Variants in GSG1L observed in about 807,000 individuals in gnomAD.
GSG1L encodes germ cell-specific gene 1-like protein.
Under a neutral mutation model 42.1 loss-of-function variants are expected in GSG1L, and 24 were observed. The observed-to-expected ratio is 0.57, with a 90% confidence interval of 0.41 to 0.80. GSG1L has a LOEUF of 0.80. Ranked by LOEUF, GSG1L falls within the 30% of genes least tolerant of loss-of-function variation. The pLI is 0.00. For synonymous variants in GSG1L, 215 were observed against 203.5 expected (o/e 1.06, Z -0.48); for missense variants, 445 against 472.2 (o/e 0.94, Z 0.53).
At chr16:28,031,404 T>A (rs1311080305) in intron 1 of GSG1L, among the ~76,000 whole-genome samples, 1 of 132,332 alleles carries the variant, frequency 7.6e-6, no homozygotes, top group African/African-American at 2.9e-5. Flanking sequence ...ATGGGATAGG[T>A]TGGGATGGGA....
At chr16:27,957,172 A>C (rs1184761390) in intron 2 of GSG1L, among the ~76,000 whole-genome samples, 1 of 152,084 alleles carries the variant, frequency 6.6e-6, no homozygotes, top group Non-Finnish European at 1.5e-5. Context: ...AACATGACAA[A>C]ACCCAGTCTC....
intron 3 of GSG1L, among the ~76,000 whole-genome samples, chr16:27,845,433 G>T (rs1393392264): frequency 6.6e-6 from 1 of 152,102 alleles, no homozygotes; most frequent in African/African-American, 2.4e-5. Flanking sequence ...TGAGCGTCTT[G>T]CTATGTTGCT....
chr16:27,926,392 AGGCACAGT>A (rs1432602047), intron 2 of GSG1L, among the ~76,000 whole-genome samples: 3 of 152,186 alleles, frequency 2.0e-5, no homozygotes, highest in Admixed American at 2.0e-4. Flanking sequence ...GGTTGATTGC[AGGCACAGT>A]GGCTCATGCC....
rs768770535 is a variant in GSG1L, at chr16:27,845,097, TAAGG to T, written c.551-40_551-37del. On this transcript the variant is annotated intron_variant, in intron 3 of 6. Transcript: ENST00000447459. ...GAGAGCAGAGCAAAGCGTCAGGAAG[TAAGG>T]AAGGGCTTTGTCCCCACACACCCAC... is the stretch of plus-strand genomic sequence containing the variant. The T allele has an allele frequency of 3.5e-6, 5 of 1,435,240 alleles. No homozygotes were observed. In the South Asian group the frequency reaches 5.9e-5, roughly 17 times the overall value. 88.9% of individuals were successfully genotyped at this position (1,435,240 alleles called of 1,614,324 possible). A position where few individuals can be genotyped will look rare whatever the true frequency, so the allele number is the denominator to read the frequency against.
chr16:27,992,975 C>G (rs181253597), intron 1 of GSG1L, among the ~76,000 whole-genome samples: 1 of 152,286 alleles, frequency 6.6e-6, no homozygotes, highest in African/African-American at 2.4e-5. Context: ...TTATTGAGAA[C>G]GTACTATGTG....
At chr16:27,947,537 G>GA (rs1449079055) in intron 2 of GSG1L, among the ~76,000 whole-genome samples, 30 of 99,622 alleles carry the variant, frequency 3.0e-4, no homozygotes, top group Non-Finnish European at 4.8e-4. Context: ...AAGAAAGAAT[G>GA]AAGGAAAGAA....
At chr16:27,917,278 C>T (rs931251730) in intron 2 of GSG1L, among the ~76,000 whole-genome samples, 3 of 151,634 alleles carry the variant, frequency 2.0e-5, no homozygotes, top group African/African-American at 7.3e-5. Context: ...GAACCTCATG[C>T]AGTCCTGACC....
chr16:28,047,533 A>G (rs1213178971), intron 1 of GSG1L, among the ~76,000 whole-genome samples: 1 of 152,198 alleles, frequency 6.6e-6, no homozygotes, highest in East Asian at 1.9e-4. Context: ...AAGTAAATAA[A>G]GCTAACTCTA....
chr16:27,875,192 G>C (rs1198262290), intron 3 of GSG1L, among the ~76,000 whole-genome samples: 1 of 152,084 alleles, frequency 6.6e-6, no homozygotes, highest in Non-Finnish European at 1.5e-5. Flanking sequence ...GGAGATTATG[G>C]GGAGTTAATG....
At position 27,844,962 on chromosome 16, in the gene GSG1L, C is replaced by A; in HGVS notation, c.650G>T (p.Gly217Val). ...EDWRPHSWDY[G>V]WSFCLAWGSF... ...AAGGTCCACTTACCAGAAGGACCAC[C>A]CGTAGTCCCAGGAATGGGGTCTCCA... Residue 217 changes from glycine (G) to valine (V), a missense_variant, in exon 4 of 7, where the codon GGG (glycine) becomes GTG (valine). By Grantham distance (109) the Gly-to-Val change is moderately radical. Around this residue, in one of 3 missense-constraint regions of GSG1L, gnomAD observed 149 missense variants for 223.3 expected, o/e 0.67. Transcript: ENST00000447459. 1 of 1,609,778 alleles carries A rather than the reference C, an allele frequency of 6.2e-7. No individual in the cohort carries two copies. The highest frequency in any genetic ancestry group is 8.5e-7 in the Non-Finnish European group (1 of 1,176,554).
chr16:27,900,717 A>T (rs2141041996), intron 2 of GSG1L, among the ~76,000 whole-genome samples: 1 of 152,294 alleles, frequency 6.6e-6, no homozygotes, highest in Admixed American at 6.5e-5. Context: ...CATCTGGTGA[A>T]GCCTCATGGA....
chr16:27,840,205 A>T (rs2083365417), intron 4 of GSG1L, among the ~76,000 whole-genome samples: 1 of 151,616 alleles, frequency 6.6e-6, no homozygotes, highest in Non-Finnish European at 1.5e-5. Flanking sequence ...AATTATTTTT[A>T]TTTTTTATTG....
At chr16:27,905,344 C>A (rs1226835424) in intron 2 of GSG1L, among the ~76,000 whole-genome samples, 5 of 137,530 alleles carry the variant, frequency 3.6e-5, no homozygotes, top group African/African-American at 1.4e-4. Context: ...TTTTTTAAAG[C>A]GACAGGGTCT....
intron 1 of GSG1L, among the ~76,000 whole-genome samples, chr16:28,017,297 C>T (rs1245762870): frequency 1.3e-5 from 2 of 152,202 alleles, no homozygotes; most frequent in Non-Finnish European, 2.9e-5. Context: ...GACAGAGGGA[C>T]ATTCGGAACA....
intron 1 of GSG1L, among the ~76,000 whole-genome samples, chr16:28,042,953 AG>A (rs1453171571): frequency 1.3e-5 from 2 of 152,244 alleles, no homozygotes; most frequent in African/African-American, 2.4e-5. Context: ...ATGCAAACGC[AG>A]AGCGAAAATA....
intron 2 of GSG1L, among the ~76,000 whole-genome samples, chr16:27,958,697 A>T (rs12920337): frequency 0.19 from 28,946 of 151,728 alleles, 3,313 homozygotes; most frequent in East Asian, 0.48. Context: ...TTTTTTTGAG[A>T]CAGAGTCTTG....
At chr16:27,878,864 A>C (rs1156604306) in intron 3 of GSG1L, among the ~76,000 whole-genome samples, 3 of 152,236 alleles carry the variant, frequency 2.0e-5, no homozygotes, top group Non-Finnish European at 4.4e-5. Context: ...CACAAGGACA[A>C]GTGGGGATTC....
chr16:28,051,409 G>A (rs2086220688), intron 1 of GSG1L, among the ~76,000 whole-genome samples: 1 of 151,692 alleles, frequency 6.6e-6, no homozygotes, highest in African/African-American at 2.4e-5. Flanking sequence ...ACAAAGTGTT[G>A]ATTTTCAGAC....
chr16:27,922,668 T>C (rs2084538949), intron 2 of GSG1L, among the ~76,000 whole-genome samples: 1 of 152,180 alleles, frequency 6.6e-6, no homozygotes, highest in South Asian at 2.1e-4. Context: ...AGGGTTAGAA[T>C]CCAGTGATGG....
Sources: gnomAD v4.1 joint callset for allele counts (sites outside exome capture counted in the v4.1 genomes callset) on GRCh38, gnomAD v4.1.1 for gene constraint, gnomAD v4.1.1 regional missense constraint, MANE v1.5 for transcripts, NCBI Gene and HGNC (gene_info 2026-07-23, HGNC 2026-07-21) for gene names.